Variants in GABRB1 observed in about 807,000 individuals in gnomAD.
GABRB1 encodes the protein gamma-aminobutyric acid type A receptor subunit beta1.
Under a neutral mutation model 51.6 loss-of-function variants are expected in GABRB1, and 17 were observed. That is an observed-to-expected ratio of 0.33 (90% CI 0.23 to 0.49). The LOEUF (loss-of-function observed/expected upper bound fraction) is 0.49. Among genes scored for constraint, GABRB1 ranks in the 20% least tolerant of loss-of-function variants. The probability of loss-of-function intolerance (pLI) is 0.99; values close to 1 mark genes in which losing one functional copy is unlikely to be tolerated. For synonymous variants in GABRB1, 247 were observed against 218.9 expected, an observed-to-expected ratio of 1.13 and a Z score of -1.14; for missense variants, 410 against 600.6, an observed-to-expected ratio of 0.68 and a Z score of 3.32.
Position 47,181,386 on chromosome 4 carries a change from T to C in GABRB1, c.461+19917T>C, listed in dbSNP as rs79638469. On this transcript the variant is annotated intron_variant, in intron 4 of 8. Coordinates refer to ENST00000295454, the MANE Select transcript of GABRB1 (RefSeq NM_000812.4). Reference sequence around the variant, plus strand: ...TGGGTTTTTACAACCACCTAAATAGTTTTAATTACTCTATTTATGCTTTTT... The same window carrying C: ...TGGGTTTTTACAACCACCTAAATAGCTTTAATTACTCTATTTATGCTTTTT... Among the ~76,000 whole-genome samples, 1,397 of 152,074 alleles carry C rather than the reference T, an allele frequency of 9.2e-3. 19 individuals carry two copies. The highest frequency in any genetic ancestry group is 0.032 in the African/African-American group (1,321 of 41,504).
intron 4 of GABRB1, among the ~76,000 whole-genome samples, chr4:47,170,627 C>T (rs1038956117): frequency 4.6e-5 from 7 of 152,106 alleles, no homozygotes; most frequent in African/African-American, 1.4e-4. Context: ...GGTAAAAATA[C>T]TGTGCGGTTG....
chr4:47,164,415 A>T (rs1407420615), intron 4 of GABRB1, among the ~76,000 whole-genome samples: 3 of 152,106 alleles, frequency 2.0e-5, no homozygotes, highest in African/African-American at 7.2e-5. Context: ...GAATATCCTT[A>T]TCATATAACA....
At chr4:47,384,154 G>GA (rs1313081392) in intron 5 of GABRB1, among the ~76,000 whole-genome samples, 6 of 151,806 alleles carry the variant, frequency 4.0e-5, no homozygotes, top group South Asian at 2.1e-4. Context: ...ATTTTTGAAA[G>GA]AAAAAATCAT....
chr4:47,371,513 G>C (rs1012259592), intron 5 of GABRB1, among the ~76,000 whole-genome samples: 6 of 152,122 alleles, frequency 3.9e-5, no homozygotes, highest in African/African-American at 1.4e-4. Context: ...AAATCATCAC[G>C]CTGTCTTCCA....
chr4:47,226,380 A>G (rs1052818301), intron 4 of GABRB1, among the ~76,000 whole-genome samples: 2 of 152,172 alleles, frequency 1.3e-5, no homozygotes, highest in Non-Finnish European at 2.9e-5. Flanking sequence ...CAGACGAAAG[A>G]ATATTACAGG....
At chr4:46,993,702 A>G, upstream of GABRB1, 1 of 361,626 alleles carries the variant, frequency 2.8e-6, no homozygotes, top group Non-Finnish European at 5.2e-6. Flanking sequence ...CCGCGCGCTG[A>G]AGGTTCTGGG....
intron 1 of GABRB1, among the ~76,000 whole-genome samples, chr4:47,016,109 C>T (rs947578816): frequency 6.6e-6 from 1 of 152,022 alleles, no homozygotes; most frequent in Non-Finnish European, 1.5e-5. Flanking sequence ...TATATCAGTG[C>T]TAATTAAACA....
chr4:47,075,428 T>C (rs1727503647), intron 3 of GABRB1, among the ~76,000 whole-genome samples: 1 of 152,228 alleles, frequency 6.6e-6, no homozygotes, highest in Non-Finnish European at 1.5e-5. Context: ...CTATGATTAA[T>C]AGGCAATCTA....
At chr4:47,385,844 C>T (rs948081785) in intron 5 of GABRB1, among the ~76,000 whole-genome samples, 19 of 152,234 alleles carry the variant, frequency 1.2e-4, no homozygotes, top group Admixed American at 1.0e-3. Flanking sequence ...GACAATTTGC[C>T]GGAATGTCTC....
Position 47,174,516 on chromosome 4 carries a change from A to G in GABRB1, c.461+13047A>G, listed in dbSNP as rs550737422. 1.7e-3 allele frequency among the ~76,000 whole-genome samples: 257 copies of G among 152,310 alleles called. 2 individuals are homozygous for G. Among genetic ancestry groups the G allele is most frequent in the African/African-American group, 6.0e-3 (251 of 41,574 alleles). On this transcript the variant is annotated intron_variant, in intron 4 of 8. Coordinates refer to ENST00000295454, the MANE Select transcript of GABRB1 (RefSeq NM_000812.4). ...AATTGGAAATCTTACCATATAGCAT[A>G]TAATTATAAAATGTTTAATTAGATA... is the stretch of plus-strand genomic sequence containing the variant.
chr4:47,286,117 A>C (rs1008672605), intron 4 of GABRB1, among the ~76,000 whole-genome samples: 2 of 152,200 alleles, frequency 1.3e-5, no homozygotes, highest in Admixed American at 6.5e-5. Flanking sequence ...TCTTTGACTT[A>C]CTGGATATAC....
At chr4:47,385,494 C>A (rs1278272200) in intron 5 of GABRB1, among the ~76,000 whole-genome samples, 1 of 152,072 alleles carries the variant, frequency 6.6e-6, no homozygotes, top group Admixed American at 6.6e-5. Flanking sequence ...AAGATTTGAC[C>A]ACAGGTATCT....
rs77759544 is a variant in GABRB1 at position 47,216,972 on chromosome 4, G to T, written c.461+55503G>T. ...CTAAATATTTATCAGCAAGAGAATG[G>T]AAAAATAAGATGTGATATACTCATA... is the stretch of plus-strand genomic sequence containing the variant. On this transcript the variant is annotated intron_variant, in intron 4 of 8. Coordinates refer to ENST00000295454, the MANE Select transcript of GABRB1 (RefSeq NM_000812.4). Among the ~76,000 whole-genome samples, 9 of 151,832 alleles carry T rather than the reference G, an allele frequency of 5.9e-5. No homozygotes were observed. The East Asian group carries it at 1.7e-3, about 29-fold the overall frequency.
chr4:47,175,167 ATCTT>A (rs1169661395), intron 4 of GABRB1, among the ~76,000 whole-genome samples: 1 of 103,146 alleles, frequency 9.7e-6, no homozygotes, highest in Non-Finnish European at 2.0e-5. Context: ...TTCTTTCTTT[ATCTT>A]TCTTTCTTTT....
intron 3 of GABRB1, among the ~76,000 whole-genome samples, chr4:47,153,860 T>C (rs1320806447): frequency 6.6e-6 from 1 of 152,034 alleles, no homozygotes; most frequent in Non-Finnish European, 1.5e-5. Context: ...GAAGATTATG[T>C]TCCCTGAAGC....
intron 4 of GABRB1, among the ~76,000 whole-genome samples, chr4:47,265,213 T>C (rs1446473830): frequency 6.6e-6 from 1 of 152,176 alleles, no homozygotes; most frequent in Non-Finnish European, 1.5e-5. Flanking sequence ...TTTGACTTTC[T>C]GTGTCTGAGT....
chr4:47,307,286 G>A (rs1426146700), intron 4 of GABRB1, among the ~76,000 whole-genome samples: 1 of 152,048 alleles, frequency 6.6e-6, no homozygotes, highest in Non-Finnish European at 1.5e-5. Context: ...CTATAAAAAT[G>A]AATAGAAAAT....
intron 4 of GABRB1, among the ~76,000 whole-genome samples, chr4:47,302,971 T>G (rs532498991): frequency 6.6e-6 from 1 of 152,144 alleles, no homozygotes; most frequent in East Asian, 1.9e-4. Context: ...TGTTAAGAAG[T>G]ACATTTTTTA....
chr4:47,220,987 G>A (rs114741223), intron 4 of GABRB1, among the ~76,000 whole-genome samples: 2,632 of 151,986 alleles, frequency 0.017, 25 homozygotes, highest in Non-Finnish European at 0.028. Context: ...AATGCCAGAC[G>A]TTACCACCTT....
Sources: allele counts gnomAD v4.1 joint callset (sites outside exome capture counted in the v4.1 genomes callset), GRCh38; gene constraint gnomAD v4.1.1; transcripts MANE v1.5; gene names NCBI Gene and HGNC (gene_info 2026-07-23, HGNC 2026-07-21).